Variants in COL19A1 observed in about 807,000 individuals in gnomAD.
The protein encoded by COL19A1 is collagen type XIX alpha 1 chain.
In COL19A1, 159 loss-of-function variants were observed where a neutral mutation model predicts 190.2. That is an observed-to-expected ratio of 0.84 (90% CI 0.73 to 0.95). The LOEUF (loss-of-function observed/expected upper bound fraction) is 0.95, where lower values mean the gene tolerates loss of function less well. Ranked by LOEUF, COL19A1 falls within the 40% of genes least tolerant of loss-of-function variation. The pLI is 0.00. For missense variants in COL19A1, 1,418 were observed against 1,431.9 expected (o/e 0.99, Z 0.16); for synonymous variants, 509 against 458.9 (o/e 1.11, Z -1.39).
chr6:69,897,014 T>G lies in COL19A1; in HGVS notation c.92-1934T>G, dbSNP rs985229541. Among the ~76,000 whole-genome samples the G allele has an allele frequency of 3.9e-5, 6 of 152,338 alleles. No homozygotes were observed. In the East Asian group the frequency reaches 1.2e-3, roughly 29 times the overall value. On this transcript the variant is annotated intron_variant, in intron 2 of 50. Transcript: ENST00000620364. ...TGAAGTTCAACTTAGCAATCTCTTC[T>G]TTTGTGATTAATGGTTTCTGTGTTC...
chr6:70,082,475 C>T (rs34532535), intron 15 of COL19A1, among the ~76,000 whole-genome samples: 17,559 of 152,032 alleles, frequency 0.12, 1,166 homozygotes, highest in Admixed American at 0.2. Flanking sequence ...TGCAGTGGTG[C>T]GATCTTGGCT....
chr6:69,970,495 A>G (rs1057099995), intron 11 of COL19A1, among the ~76,000 whole-genome samples: 29 of 152,228 alleles, frequency 1.9e-4, no homozygotes, highest in Non-Finnish European at 1.5e-5. Flanking sequence ...TAAAACTGAT[A>G]CAAGAATAAA....
In COL19A1 at chr6:70,146,902, C is replaced by A; in HGVS notation, c.1893+13C>A. 2 of 1,555,142 alleles carry A rather than the reference C, an allele frequency of 1.3e-6. No individual in the cohort carries two copies. Among genetic ancestry groups the A allele is most frequent in the East Asian group, 2.3e-5 (1 of 44,020 alleles). Reference sequence around the variant, plus strand: ...TCCTGGCAGAACAGTAAGTGAAATTCATTCGAGTCCTTGTTGATTCCAACA... The same window carrying A: ...TCCTGGCAGAACAGTAAGTGAAATTAATTCGAGTCCTTGTTGATTCCAACA... On this transcript the variant is annotated intron_variant, in intron 27 of 50. Transcript: ENST00000620364.
At chr6:69,913,337 T>G (rs1245409583) in intron 4 of COL19A1, among the ~76,000 whole-genome samples, 1 of 152,202 alleles carries the variant, frequency 6.6e-6, no homozygotes, top group African/African-American at 2.4e-5. Context: ...TATTATATGC[T>G]AAACCCTGAG....
At chr6:70,007,951 GA>G (rs974807316) in intron 11 of COL19A1, among the ~76,000 whole-genome samples, 5 of 151,656 alleles carry the variant, frequency 3.3e-5, no homozygotes, top group African/African-American at 1.2e-4. Flanking sequence ...GTTTCAAAAT[GA>G]AAAAATATGA....
At chr6:69,969,098 C>A (rs1182777946) in intron 11 of COL19A1, among the ~76,000 whole-genome samples, 2 of 152,122 alleles carry the variant, frequency 1.3e-5, no homozygotes, top group East Asian at 3.8e-4. Flanking sequence ...AGAATGACTG[C>A]AGGAATTAAA....
chr6:70,109,163 G>T (rs927254264), intron 16 of COL19A1, among the ~76,000 whole-genome samples: 1 of 152,110 alleles, frequency 6.6e-6, no homozygotes, highest in African/African-American at 2.4e-5. Flanking sequence ...TTAGAGTGAG[G>T]TGCTATGGGG....
At chr6:69,870,893 A>T (rs144593197) in intron 1 of COL19A1, among the ~76,000 whole-genome samples, 1 of 152,328 alleles carries the variant, frequency 6.6e-6, no homozygotes, top group African/African-American at 2.4e-5. Flanking sequence ...AATAGATTTG[A>T]TAGACTTTGA....
chr6:69,936,836 C>A lies in COL19A1; in HGVS notation c.799C>A (p.His267Asn). 6.2e-7 allele frequency: 1 copy of A among 1,613,176 alleles called. No individual in the cohort carries two copies. Among genetic ancestry groups the A allele is most frequent in the African/African-American group, 1.3e-5 (1 of 74,970 alleles). Residue 267 changes from histidine (H) to asparagine (N), a missense_variant, in exon 8 of 51, where the codon CAT (histidine) becomes AAT (asparagine). Physicochemically the swap from His to Asn is moderately conservative, Grantham distance 68. Transcript: ENST00000620364. ...TATTGCATCATCATGGGTAACTGCT[C>A]ATGCCAGTAAAATGTCTTCATATCT... ...GNIASSWVTA[H>N]ASKMSSYLPA...
intron 15 of COL19A1, among the ~76,000 whole-genome samples, chr6:70,088,336 A>G: frequency 6.6e-6 from 1 of 152,012 alleles, no homozygotes; most frequent in East Asian, 1.9e-4. Flanking sequence ...TTTCAGATTC[A>G]CTTAATTAAT....
rs1787519542 is a variant in COL19A1 at position 70,157,571 on chromosome 6, T to A, written c.2292+848T>A. Among the ~76,000 whole-genome samples, 3 of 152,132 alleles carry A rather than the reference T, an allele frequency of 2.0e-5. No individual in the cohort carries two copies. The South Asian group carries it at 6.2e-4, about 31-fold the overall frequency. On this transcript the variant is annotated intron_variant, in intron 34 of 50. Transcript: ENST00000620364. ...TTATATTTTACATTACCAGTAATCA[T>A]CATGTACTATTGTTTCTAATTAATA...
At chr6:69,968,717 G>A (rs1338060307) in intron 11 of COL19A1, among the ~76,000 whole-genome samples, 1 of 152,096 alleles carries the variant, frequency 6.6e-6, no homozygotes, top group Non-Finnish European at 1.5e-5. Context: ...TTACATGCAG[G>A]ACATGAGAAT....
At chr6:70,107,176 G>A (rs1472919829) in intron 16 of COL19A1, among the ~76,000 whole-genome samples, 1 of 152,182 alleles carries the variant, frequency 6.6e-6, no homozygotes, top group East Asian at 1.9e-4. Context: ...TATTCTGCCA[G>A]ACTTCAGGTG....
intron 1 of COL19A1, 74 bp downstream of exon 1, chr6:69,866,714 G>A (rs1767464605): frequency 6.6e-6 from 1 of 152,254 alleles, no homozygotes; most frequent in Non-Finnish European, 1.5e-5. Flanking sequence ...ATCTGCTCGT[G>A]TTCCTAGTTA....
At chr6:70,137,876 C>G (rs985553722) in intron 19 of COL19A1, 129 bp downstream of exon 19, 2 of 776,228 alleles carry the variant, frequency 2.6e-6, no homozygotes, top group African/African-American at 3.4e-5. Context: ...ATCAGATCTT[C>G]AAGCAAGTAC....
intron 10 of COL19A1, among the ~76,000 whole-genome samples, chr6:69,962,202 A>G (rs1208749761): frequency 2.0e-5 from 3 of 152,198 alleles, no homozygotes; most frequent in African/African-American, 7.2e-5. Context: ...GAGGGTGTAG[A>G]TGAAGAAAGG....
intron 46 of COL19A1, among the ~76,000 whole-genome samples, chr6:70,185,352 G>A (rs936335788): frequency 1.3e-5 from 2 of 152,186 alleles, no homozygotes; most frequent in Non-Finnish European, 2.9e-5. Flanking sequence ...ATGCAGTAGC[G>A]CCACCATCCC....
At chr6:69,944,042 C>T (rs754876003) in intron 9 of COL19A1, among the ~76,000 whole-genome samples, 13 of 152,080 alleles carry the variant, frequency 8.5e-5, no homozygotes, top group Admixed American at 2.6e-4. Context: ...TTGTCTCGTA[C>T]CCTCTTCCCT....
intron 9 of COL19A1, among the ~76,000 whole-genome samples, chr6:69,942,569 C>A (rs754373121): frequency 6.6e-6 from 1 of 150,806 alleles, no homozygotes; most frequent in Non-Finnish European, 1.5e-5. Flanking sequence ...CTACTCTCTA[C>A]TTCTATGAGA....
Sources: allele counts gnomAD v4.1 joint callset (sites outside exome capture counted in the v4.1 genomes callset), GRCh38; gene constraint gnomAD v4.1.1; transcripts MANE v1.5; gene names NCBI Gene and HGNC (gene_info 2026-07-23, HGNC 2026-07-21).